The following SLC12A9 variants were observed in gnomAD, a reference collection of about 807,000 sequenced individuals.
The protein encoded by SLC12A9 is CCC-interacting protein 1.
A neutral mutation model predicts 66.0 loss-of-function variants in SLC12A9; 55 were observed. The ratio of observed to expected loss-of-function variants is 0.83; its 90% confidence interval spans 0.67 to 1.04. The LOEUF (loss-of-function observed/expected upper bound fraction) is 1.04, where lower values mean the gene tolerates loss of function less well. Among genes scored for constraint, SLC12A9 ranks in the 50% least tolerant of loss-of-function variants. The pLI is 0.00. For missense variants in SLC12A9, 1,061 were observed against 1,241.9 expected (o/e 0.85, Z 2.19); for synonymous variants, 577 against 569.0 (o/e 1.01, Z -0.20).
chr7:100,862,030 G>A, intron 12 of SLC12A9, 119 bp downstream of exon 12: 5 of 1,087,596 alleles, frequency 4.6e-6, no homozygotes, highest in Non-Finnish European at 5.2e-6. Context: ...GACGATCTTG[G>A]CTCACTGCAA....
rs780211596 is a variant in SLC12A9 at position 100,866,531 on chromosome 7, G to C, written c.2671G>C (p.Glu891Gln). The change falls in exon 14 of 14, where the codon GAG becomes CAG. Residue 891 changes from glutamate to glutamine, a missense_variant. By Grantham distance (29) the Glu-to-Gln change is conservative (BLOSUM62 2). Coordinates refer to ENST00000354161, the MANE Select transcript of SLC12A9 (RefSeq NM_020246.4). This position sits in a 1 kb window ranked among gnomAD's most constrained non-coding sequence, Gnocchi z 7.3. ...ATACCCCCGCTACCTGGCGCTACTGGAGACTCTAACCCGAGACCTGGGCCC... is the reference window on the plus strand; with the variant it reads ...ATACCCCCGCTACCTGGCGCTACTGCAGACTCTAACCCGAGACCTGGGCCC... Reference protein sequence around the residue: ...ARYPRYLALLETLTRDLGPTL... With the variant: ...ARYPRYLALLQTLTRDLGPTL... 1.3e-6 allele frequency: 2 copies of C among 1,580,982 alleles called. No individual in the cohort carries two copies. The highest frequency in any genetic ancestry group is 1.7e-6 in the Non-Finnish European group (2 of 1,164,538).
chr7:100,860,878 GA>G, intron 9 of SLC12A9: 1 of 592,086 alleles, frequency 1.7e-6, no homozygotes, highest in South Asian at 1.8e-5. Flanking sequence ...TGACACTGGG[GA>G]TACACTGGCA....
At chr7:100,840,397 T>C (rs1266254729) in intron 1 of SLC12A9, among the ~76,000 whole-genome samples, 2 of 152,192 alleles carry the variant, frequency 1.3e-5, no homozygotes, top group Non-Finnish European at 2.9e-5. Context: ...GAAAAAAGCC[T>C]GGACAGGTCC....
chr7:100,844,208 TAC>T (rs1007106387), intron 1 of SLC12A9, among the ~76,000 whole-genome samples: 2 of 152,192 alleles, frequency 1.3e-5, no homozygotes, highest in African/African-American at 4.8e-5. Context: ...CCTATTATTT[TAC>T]AGTTATTATA....
chr7:100,854,704 CT>C lies in SLC12A9; in HGVS notation c.267del (p.Val90SerfsTer18). The part of the protein sequence containing the change: ...AYFILALTVL[S>X]VCAIATNGAV... The stretch of plus-strand genomic sequence containing the variant: ...TTCATCCTGGCACTCACCGTCCTCT[CT>C]GTCTGTGCCATCGCCACCAATGGAG... On this transcript the variant is annotated frameshift_variant, in exon 3 of 14. Coordinates refer to ENST00000354161, the MANE Select transcript of SLC12A9 (RefSeq NM_020246.4). LOFTEE classifies it high-confidence loss of function. The C allele has an allele frequency of 1.2e-6, 2 of 1,614,072 alleles. No individual in the cohort carries two copies. Among genetic ancestry groups the C allele is most frequent in the Admixed American group, 1.7e-5 (1 of 60,016 alleles).
chr7:100,835,340 G>T (rs1813629091), intron 1 of SLC12A9, among the ~76,000 whole-genome samples: 1 of 142,252 alleles, frequency 7.0e-6, no homozygotes, highest in South Asian at 2.2e-4. Flanking sequence ...GGGCAACAAA[G>T]CGAGGCTCTG....
At chr7:100,851,803 A>G (rs1192705965), upstream of SLC12A9, among the ~76,000 whole-genome samples, 1 of 146,794 alleles carries the variant, frequency 6.8e-6, no homozygotes. Flanking sequence ...AAAAAAAAAA[A>G]AAAGGAAATG....
intron 13 of SLC12A9, among the ~76,000 whole-genome samples, chr7:100,864,595 C>T (rs552074952): frequency 2.6e-5 from 4 of 152,284 alleles, no homozygotes; most frequent in Non-Finnish European, 5.9e-5. Flanking sequence ...AGCTTGTCAG[C>T]AGGGACTTGG....
chr7:100,866,399 C>T lies in SLC12A9; in HGVS notation c.2539C>T (p.Arg847Cys), dbSNP rs897815469. ...CGCCCTGGTTCGGGCCCAGCAGGGG[C>T]GCGGCACAGGAGGAGGGCCGGGTGG... ...ANALVRAQQGRGTGGGPGGPE... is the reference protein window; with the variant it reads ...ANALVRAQQGCGTGGGPGGPE... The change falls in exon 14 of 14, where the codon CGC (arginine) becomes TGC (cysteine). Residue 847 changes from arginine to cysteine, a missense_variant. Transcript: ENST00000354161. This position sits in a 1 kb window ranked among gnomAD's most constrained non-coding sequence, Gnocchi z 7.3. The T allele has an allele frequency of 1.4e-5, 22 of 1,535,818 alleles. No individual in the cohort carries two copies. The highest frequency in any genetic ancestry group is 5.5e-5 in the African/African-American group (4 of 72,828).
chr7:100,849,352 C>T (rs978147166), upstream of SLC12A9, among the ~76,000 whole-genome samples: 1 of 149,718 alleles, frequency 6.7e-6, no homozygotes, highest in Non-Finnish European at 1.5e-5. Flanking sequence ...TCACTCTAAA[C>T]TGGGCTAGGC....
chr7:100,828,193 C>T (rs1190285092), intron 1 of SLC12A9, among the ~76,000 whole-genome samples: 1 of 152,160 alleles, frequency 6.6e-6, no homozygotes, highest in Non-Finnish European at 1.5e-5. Context: ...AGAGGAGGCG[C>T]GCACTAAGCT....
chr7:100,856,181 G>A lies in SLC12A9; in HGVS notation c.448+344G>A, dbSNP rs574154162. ...GCAGAGGAGGGCTTGTCTTGCTTTG[G>A]GTCACAGTTGGGGCTGGGTCCCTTC... On this transcript the variant is annotated intron_variant, in intron 4 of 13. Transcript: ENST00000354161. 161 of 187,234 alleles carry A rather than the reference G, an allele frequency of 8.6e-4. 2 individuals are homozygous for A. The South Asian group carries it at 0.011, about 13-fold the overall frequency. The allele number at this position is 187,234 out of a possible 1,614,324, so 11.6% of individuals were successfully genotyped here.
chr7:100,861,394 C>T lies in SLC12A9; in HGVS notation c.1346C>T (p.Pro449Leu). ...CCTCCTCCCCTCCATGCCCGCAGCC[C>T]CACCTTCAGCCTGTTCTCCTGGCAC... ...LEWASAPNFRPTFSLFSWHTC... is the reference protein window; with the variant it reads ...LEWASAPNFRLTFSLFSWHTC... The change falls in exon 11 of 14, where the codon CCC (proline) becomes CTC (leucine). Residue 449 changes from proline (P) to leucine (L), a missense_variant and splice_region_variant. By Grantham distance (98) the Pro-to-Leu change is moderately conservative. Transcript: ENST00000354161. This position sits in a 1 kb window ranked among gnomAD's most constrained non-coding sequence, Gnocchi z 5.3. 6.2e-7 allele frequency: 1 copy of T among 1,613,286 alleles called. No homozygotes were observed. Among genetic ancestry groups the T allele is most frequent in the Non-Finnish European group, 8.5e-7 (1 of 1,179,602 alleles).
At chr7:100,852,120 G>C (rs1461532624), upstream of SLC12A9, among the ~76,000 whole-genome samples, 1 of 152,188 alleles carries the variant, frequency 6.6e-6, no homozygotes, top group East Asian at 1.9e-4. Flanking sequence ...ATTTCTGCTG[G>C]AAGTGAGAAC....
chr7:100,854,026 G>T, intron 1 of SLC12A9, 130 bp from the exon 2 acceptor site: 1 of 565,632 alleles, frequency 1.8e-6, no homozygotes, highest in Admixed American at 4.2e-5. Context: ...ACCGAGCCTG[G>T]CCAATTTTTG....
intron 13 of SLC12A9, chr7:100,865,358 A>G: frequency 1.3e-6 from 2 of 1,536,034 alleles, no homozygotes; most frequent in Non-Finnish European, 1.7e-6. Flanking sequence ...TTTGCACAAC[A>G]GAGTCAAACT....
chr7:100,850,174 CCTT>C (rs1483950406), upstream of SLC12A9, among the ~76,000 whole-genome samples: 1 of 151,536 alleles, frequency 6.6e-6, no homozygotes, highest in East Asian at 1.9e-4. Context: ...TGCCCAGCCT[CCTT>C]CTTTTCCCTC....
chr7:100,853,756 T>C (rs533737827), intron 1 of SLC12A9, among the ~76,000 whole-genome samples: 1 of 149,734 alleles, frequency 6.7e-6, no homozygotes, highest in Non-Finnish European at 1.5e-5. Context: ...TGAGACGGAG[T>C]CTCACTCTGT....
chr7:100,839,968 A>C (rs923655435), intron 1 of SLC12A9, among the ~76,000 whole-genome samples: 17 of 152,090 alleles, frequency 1.1e-4, no homozygotes, highest in African/African-American at 3.9e-4. Context: ...AAAAAAAAGA[A>C]ACTTGCCCAC....
Sources: gnomAD v4.1 joint callset for allele counts (sites outside exome capture counted in the v4.1 genomes callset) on GRCh38, gnomAD v4.1.1 for gene constraint, Gnocchi (gnomAD v3.1) non-coding constraint, MANE v1.5 for transcripts, NCBI Gene and HGNC (gene_info 2026-07-23, HGNC 2026-07-21) for gene names.